Variants in SPATA3 observed in about 807,000 individuals in gnomAD.
The protein encoded by SPATA3 is spermatogenesis-associated protein 3.
SPATA3 carries 6 observed loss-of-function variants against 5.7 expected under a neutral mutation model. The ratio of observed to expected loss-of-function variants is 1.06; its 90% CI spans 0.58 to 2.09. SPATA3 has a LOEUF of 2.09. SPATA3 is among the 30% of genes most tolerant of loss of function. SPATA3 has a pLI of 0.00. For missense variants in SPATA3, 155 were observed against 130.4 expected, an observed-to-expected ratio of 1.19 and a Z score of -0.92; for synonymous variants, 44 against 48.4, an observed-to-expected ratio of 0.91 and a Z score of 0.37.
At chr2:231,014,602 G>A (rs1692880525) in intron 6 of SPATA3, among the ~76,000 whole-genome samples, 1 of 152,080 alleles carries the variant, frequency 6.6e-6, no homozygotes. Flanking sequence ...CCTCAGCTCT[G>A]CAATCCCAGG....
intron 5 of SPATA3, among the ~76,000 whole-genome samples, chr2:231,013,021 G>A (rs1035188168): frequency 1.4e-4 from 22 of 152,080 alleles, no homozygotes; most frequent in African/African-American, 4.8e-4. Flanking sequence ...GGCCAGACTC[G>A]CTTGAAATTC....
chr2:230,999,603 G>T (rs892455145), intron 1 of SPATA3: 2 of 160,188 alleles, frequency 1.2e-5, no homozygotes, highest in Admixed American at 6.5e-5. Context: ...AAACAGGAGG[G>T]AATAATCCAG....
chr2:231,005,458 C>T, downstream of SPATA3, among the ~76,000 whole-genome samples: 1 of 97,448 alleles, frequency 1.0e-5, no homozygotes, highest in Non-Finnish European at 2.2e-5. Context: ...TCACCACCAC[C>T]ACCACCACCA....
At chr2:230,998,065 G>T (rs556773720) in intron 1 of SPATA3, among the ~76,000 whole-genome samples, 5 of 152,148 alleles carry the variant, frequency 3.3e-5, no homozygotes, top group African/African-American at 1.2e-4. Context: ...ATTCCAAGAG[G>T]CCTAGGAGTC....
intron 1 of SPATA3, chr2:230,996,482 C>T: frequency 6.4e-7 from 1 of 1,552,266 alleles, no homozygotes; most frequent in South Asian, 1.2e-5. Context: ...CCTCTTGCTG[C>T]CTTTTATCTC....
At chr2:230,996,456 C>A in intron 1 of SPATA3, 1 of 1,552,394 alleles carries the variant, frequency 6.4e-7, no homozygotes, top group Non-Finnish European at 8.7e-7. Context: ...CCTTCCAGCA[C>A]CCGAAATCCG....
chr2:231,002,796 G>A, downstream of SPATA3: 5 of 1,480,590 alleles, frequency 3.4e-6, no homozygotes, highest in Middle Eastern at 1.7e-4. Flanking sequence ...CTGAATCCTT[G>A]TGAACAAGCC....
chr2:231,013,133 C>T (rs775923698), intron 5 of SPATA3, among the ~76,000 whole-genome samples: 4 of 152,164 alleles, frequency 2.6e-5, no homozygotes, highest in Admixed American at 6.5e-5. Flanking sequence ...CCCTTCTCCT[C>T]CCTGCTTCAC....
chr2:231,015,698 C>A (rs1244267981), intron 6 of SPATA3, among the ~76,000 whole-genome samples: 1 of 152,238 alleles, frequency 6.6e-6, no homozygotes, highest in Non-Finnish European at 1.5e-5. Context: ...CCTCGGCCTG[C>A]AGCTGTGGGG....
chr2:231,018,537 T>G (rs1432590709), intron 6 of SPATA3, among the ~76,000 whole-genome samples: 1 of 152,162 alleles, frequency 6.6e-6, no homozygotes, highest in Non-Finnish European at 1.5e-5. Flanking sequence ...AATACATTTG[T>G]GTGCCTTTTC....
intron 4 of SPATA3, among the ~76,000 whole-genome samples, chr2:231,012,331 C>T (rs2125121361): frequency 6.6e-6 from 1 of 152,314 alleles, no homozygotes; most frequent in South Asian, 2.1e-4. Flanking sequence ...CCATTGGGGT[C>T]AGGATGAAGG....
In SPATA3 at chr2:231,013,004, C is replaced by G. The variant is rs549919942; in HGVS notation, c.*226+307C>G. On this transcript the variant is annotated intron_variant, in intron 5 of 8. Coordinates refer to the SPATA3 transcript ENST00000452881. ...TGCAGCTAAACTTTGGGAAGCTCAG[C>G]CGTGCAGGCCAGACTCGCTTGAAAT... is the stretch of plus-strand genomic sequence containing the variant. Among the ~76,000 whole-genome samples the G allele has an allele frequency of 2.0e-5, 3 of 152,344 alleles. No individual in the cohort carries two copies. In the South Asian group the frequency reaches 6.2e-4, roughly 32 times the overall value.
exon 2 of SPATA3, chr2:231,000,457 C>T (rs1395364497): frequency 6.5e-7 from 1 of 1,550,282 alleles, no homozygotes; most frequent in South Asian, 1.2e-5. Context: ...TATGCCATAG[C>T]CGCATCTTCG....
chr2:231,019,393 A>C (rs796794776), intron 6 of SPATA3, among the ~76,000 whole-genome samples: 1 of 142,678 alleles, frequency 7.0e-6, no homozygotes, highest in Non-Finnish European at 1.5e-5. Context: ...GTGCGATCTC[A>C]GCTCACTGCA....
At chr2:230,998,475 T>C (rs961423560) in intron 1 of SPATA3, among the ~76,000 whole-genome samples, 1 of 152,184 alleles carries the variant, frequency 6.6e-6, no homozygotes, top group Non-Finnish European at 1.5e-5. Context: ...CAGAGAAGAA[T>C]TTGGCCCATT....
chr2:231,006,000 C>CAAA (rs35868663), downstream of SPATA3, among the ~76,000 whole-genome samples: 3 of 124,246 alleles, frequency 2.4e-5, no homozygotes, highest in Non-Finnish European at 3.4e-5. Flanking sequence ...CTTGTCTCTA[C>CAAA]AAAAAAAAAA....
chr2:230,997,433 T>C (rs1486747826), intron 1 of SPATA3, among the ~76,000 whole-genome samples: 1 of 152,186 alleles, frequency 6.6e-6, no homozygotes, highest in Non-Finnish European at 1.5e-5. Flanking sequence ...TTATCAGCAG[T>C]GTGAAAACAG....
downstream of SPATA3, among the ~76,000 whole-genome samples, chr2:231,005,592 CCATCACCATCAT>C (rs1559198052): frequency 1.2e-5 from 1 of 82,812 alleles, no homozygotes; most frequent in Non-Finnish European, 2.7e-5. Flanking sequence ...ATCATCCTCA[CCATCACCATCAT>C]CACCATCATC....
intron 6 of SPATA3, among the ~76,000 whole-genome samples, chr2:231,015,036 A>G (rs1239080850): frequency 6.6e-6 from 1 of 151,612 alleles, no homozygotes; most frequent in Non-Finnish European, 1.5e-5. Context: ...AGGGAGTCCC[A>G]ACTGAGGAGA....
Sources: gnomAD v4.1 joint callset for allele counts (sites outside exome capture counted in the v4.1 genomes callset) on GRCh38, gnomAD v4.1.1 for gene constraint, MANE v1.5 for transcripts, NCBI Gene and HGNC (gene_info 2026-07-23, HGNC 2026-07-21) for gene names.